The following SATB1 variants were observed in gnomAD, a reference collection of about 807,000 sequenced individuals.
The protein encoded by SATB1 is DNA-binding protein SATB1.
Under a neutral mutation model 86.9 loss-of-function variants are expected in SATB1, and 11 were observed. The observed-to-expected ratio is 0.13, with a 90% CI of 0.08 to 0.21. The LOEUF (loss-of-function observed/expected upper bound fraction) is 0.21. Ranked by LOEUF, SATB1 falls within the 10% of genes least tolerant of loss-of-function variation. SATB1 has a pLI of 1.00. For synonymous variants in SATB1, 357 were observed against 357.2 expected (o/e 1.00, Z 0.01); for missense variants, 551 against 937.6 (o/e 0.59, Z 5.39).
intron 2 of SATB1, among the ~76,000 whole-genome samples, chr3:18,417,896 T>C (rs1698200236): frequency 6.6e-6 from 1 of 152,118 alleles, no homozygotes; most frequent in South Asian, 2.1e-4. Flanking sequence ...GCTCTCTCTT[T>C]ATATATTTTA....
At chr3:18,357,725 C>A (rs1309539075) in intron 9 of SATB1, among the ~76,000 whole-genome samples, 1 of 151,530 alleles carries the variant, frequency 6.6e-6, no homozygotes, top group East Asian at 1.9e-4. Flanking sequence ...TTTAAACCAC[C>A]CCTTTTTCTG....
At chr3:18,363,555 G>C (rs1436681430) in intron 9 of SATB1, among the ~76,000 whole-genome samples, 1 of 152,112 alleles carries the variant, frequency 6.6e-6, no homozygotes, top group Non-Finnish European at 1.5e-5. Context: ...GGCTCCAGGG[G>C]AGAATGGCAG....
upstream of SATB1, among the ~76,000 whole-genome samples, chr3:18,441,563 A>G (rs1293617705): frequency 6.6e-6 from 1 of 152,194 alleles, no homozygotes; most frequent in Non-Finnish European, 1.5e-5. Context: ...TATGTATGGA[A>G]GAAACTATGT....
chr3:18,382,535 T>C (rs1696118778), intron 8 of SATB1, among the ~76,000 whole-genome samples: 1 of 152,138 alleles, frequency 6.6e-6, no homozygotes, highest in South Asian at 2.1e-4. Flanking sequence ...TTCATAAAAA[T>C]TCCTCTAATA....
rs192852156 is a variant in SATB1, at chr3:18,406,809, T to C, written c.639+8302A>G. Among the ~76,000 whole-genome samples, 24 of 152,178 alleles carry C rather than the reference T, an allele frequency of 1.6e-4. No homozygotes were observed. In the East Asian group the frequency reaches 4.3e-3, roughly 27 times the overall value. On this transcript the variant is annotated intron_variant, in intron 5 of 10. Coordinates refer to ENST00000338745, the MANE Select transcript of SATB1 (RefSeq NM_002971.6). The stretch of plus-strand genomic sequence containing the variant: ...CAGAATTAAGTATAATAGGAAAATA[T>C]TTCATAAGATAGGATACTGTAGATA...
upstream of SATB1, among the ~76,000 whole-genome samples, chr3:18,440,383 G>A (rs906080336): frequency 2.0e-5 from 3 of 152,034 alleles, no homozygotes; most frequent in Non-Finnish European, 4.4e-5. Context: ...AACTCCTCTC[G>A]ACCCCTATCC....
chr3:18,445,363 C>CGGCGGGCCGGAGGGGCGAG, intron 1 of SATB1: 1 of 855,108 alleles, frequency 1.2e-6, no homozygotes. Context: ...GTGTGGGGGG[C>CGGCGGGCCGGAGGGGCGAG]GGCGGGCCGG....
At chr3:18,377,633 C>T (rs1467287654) in intron 9 of SATB1, among the ~76,000 whole-genome samples, 1 of 151,958 alleles carries the variant, frequency 6.6e-6, no homozygotes, top group Non-Finnish European at 1.5e-5. Flanking sequence ...AAATTAAAAT[C>T]ATTAATATGC....
At chr3:18,373,767 G>C (rs1307941402) in intron 9 of SATB1, among the ~76,000 whole-genome samples, 1 of 152,158 alleles carries the variant, frequency 6.6e-6, no homozygotes, top group Non-Finnish European at 1.5e-5. Flanking sequence ...GTAGATGAAA[G>C]AGAAGGCTTT....
intron 5 of SATB1, among the ~76,000 whole-genome samples, chr3:18,412,221 T>G (rs1208222362): frequency 1.3e-5 from 2 of 152,068 alleles, no homozygotes; most frequent in Non-Finnish European, 2.9e-5. Flanking sequence ...CCTTCAATTA[T>G]CAAAAGGAGG....
At chr3:18,354,488 T>A (rs930373031) in intron 9 of SATB1, among the ~76,000 whole-genome samples, 7 of 152,276 alleles carry the variant, frequency 4.6e-5, no homozygotes, top group South Asian at 2.1e-4. Flanking sequence ...AGATTTTTTT[T>A]AAACTCAGCT....
chr3:18,384,506 TTAAG>T (rs1553619419), intron 8 of SATB1, among the ~76,000 whole-genome samples: 2 of 152,112 alleles, frequency 1.3e-5, no homozygotes, highest in Non-Finnish European at 2.9e-5. Context: ...CATATTGGTC[TTAAG>T]TAAGCCATTC....
At chr3:18,374,804 T>C (rs955262853) in intron 9 of SATB1, among the ~76,000 whole-genome samples, 3 of 152,160 alleles carry the variant, frequency 2.0e-5, no homozygotes, top group Non-Finnish European at 2.9e-5. Flanking sequence ...GATAAATAAA[T>C]CTCTATCCAT....
intron 8 of SATB1, among the ~76,000 whole-genome samples, chr3:18,384,769 G>T (rs917945566): frequency 2.0e-5 from 3 of 151,938 alleles, no homozygotes; most frequent in Admixed American, 2.0e-4. Flanking sequence ...TACATAAAGA[G>T]TTCCTCATTC....
In SATB1 at chr3:18,372,377, T is replaced by C. The variant is rs532456541; in HGVS notation, c.1575+5793A>G. 3.3e-5 allele frequency among the ~76,000 whole-genome samples: 5 copies of C among 152,294 alleles called. No individual in the cohort carries two copies. In the South Asian group the frequency reaches 1.0e-3, roughly 32 times the overall value. ...CTTATTAAGTGGGTCGAAGAGAAAA[T>C]ATATTTGACTTTCAGTTAATTCTAA... On this transcript the variant is annotated intron_variant, in intron 9 of 10. Transcript: ENST00000338745.
upstream of SATB1, among the ~76,000 whole-genome samples, chr3:18,440,686 C>G (rs1276542011): frequency 6.6e-6 from 1 of 152,064 alleles, no homozygotes; most frequent in African/African-American, 2.4e-5. Flanking sequence ...TTCATTTTAC[C>G]AGAAAATATA....
At position 18,349,662 on chromosome 3, in the gene SATB1, T is replaced by TGC; in HGVS notation, c.1799_1800insGC (p.Gln601HisfsTer107). ...GTGCCTGCTGCTGCTGCTGCTGCTGTTGCTGTTGCTGCTGCTGTTGCTGCA... is the reference window on the plus strand; with the variant it reads ...GTGCCTGCTGCTGCTGCTGCTGCTGTGCTGCTGTTGCTGCTGCTGTTGCTGCA... On this transcript the variant is annotated frameshift_variant, in exon 11 of 11. Coordinates refer to ENST00000338745, the MANE Select transcript of SATB1 (RefSeq NM_002971.6). LOFTEE classifies it high-confidence loss of function. The surrounding 1 kb of genome is among the most constrained non-coding windows in gnomAD (Gnocchi z 5.5). 1 of 1,603,632 alleles carries TGC rather than the reference T, an allele frequency of 6.2e-7. No homozygotes were observed. Among genetic ancestry groups the TGC allele is most frequent in the Non-Finnish European group, 8.5e-7 (1 of 1,174,098 alleles).
At chr3:18,419,432 A>C (rs1380812126) in intron 2 of SATB1, among the ~76,000 whole-genome samples, 11 of 152,164 alleles carry the variant, frequency 7.2e-5, no homozygotes, top group African/African-American at 2.7e-4. Flanking sequence ...AGCCTGTGTA[A>C]ACAGCACGTC....
At chr3:18,392,821 C>T (rs999358036) in intron 7 of SATB1, among the ~76,000 whole-genome samples, 2 of 151,706 alleles carry the variant, frequency 1.3e-5, no homozygotes, top group Admixed American at 1.3e-4. Flanking sequence ...AATAATTATC[C>T]CCCAACTGAA....
Sources: gnomAD v4.1 joint callset for allele counts (sites outside exome capture counted in the v4.1 genomes callset) on GRCh38, gnomAD v4.1.1 for gene constraint, Gnocchi (gnomAD v3.1) non-coding constraint, MANE v1.5 for transcripts, NCBI Gene and HGNC (gene_info 2026-07-23, HGNC 2026-07-21) for gene names.